The following FAM78B variants were observed in gnomAD, a reference collection of about 807,000 sequenced individuals.
FAM78B encodes the protein family with sequence similarity 78 member B, also known as protein FAM78B.
A neutral mutation model predicts 20.0 loss-of-function variants in FAM78B; 10 were observed. That is an observed-to-expected ratio of 0.50 (90% CI 0.31 to 0.85). The LOEUF (loss-of-function observed/expected upper bound fraction) is 0.85. Ranked by LOEUF, FAM78B falls within the 40% of genes least tolerant of loss-of-function variation. FAM78B has a pLI of 0.05. For synonymous variants in FAM78B, 135 were observed against 132.8 expected (o/e 1.02, Z -0.12); for missense variants, 283 against 345.0 (o/e 0.82, Z 1.42).
chr1:166,148,679 TGA>T (rs916634705), intron 1 of FAM78B, among the ~76,000 whole-genome samples: 1 of 152,088 alleles, frequency 6.6e-6, no homozygotes, highest in African/African-American at 2.4e-5. Flanking sequence ...TCAACGGAAA[TGA>T]GAGAGGAGAC....
intron 1 of FAM78B, among the ~76,000 whole-genome samples, chr1:166,102,696 A>G (rs929255747): frequency 6.6e-6 from 1 of 152,242 alleles, no homozygotes; most frequent in Non-Finnish European, 1.5e-5. Flanking sequence ...AGGAGCACCC[A>G]GATTCATAAA....
chr1:166,166,996 C>G lies in FAM78B; in HGVS notation c.-748G>C, dbSNP rs1181102305. On this transcript the variant is annotated 5_prime_UTR_variant, in exon 1 of 2. Coordinates refer to ENST00000354422, the MANE Select transcript of FAM78B (RefSeq NM_001017961.5). ...TGCTCCGCGGAGGAAACTGGCTGTACGCCATGAGTTTTGTCCCTATTCGGC... is the reference window on the plus strand; with the variant it reads ...TGCTCCGCGGAGGAAACTGGCTGTAGGCCATGAGTTTTGTCCCTATTCGGC... 7.0e-6 allele frequency: 1 copy of G among 143,664 alleles called. No homozygotes were observed. Among genetic ancestry groups the G allele is most frequent in the African/African-American group, 2.7e-5 (1 of 37,598 alleles). 8.9% of individuals were successfully genotyped at this position (143,664 alleles called of 1,614,324 possible).
chr1:166,088,793 A>G (rs1284511884), intron 1 of FAM78B, among the ~76,000 whole-genome samples: 1 of 152,072 alleles, frequency 6.6e-6, no homozygotes, highest in Admixed American at 6.5e-5. Context: ...CACTGGGTGA[A>G]TCTGGGCTTT....
chr1:166,099,348 AAAAC>A lies in FAM78B; in HGVS notation c.264-28589_264-28586del, dbSNP rs367573669. 2.3e-3 allele frequency among the ~76,000 whole-genome samples: 344 copies of A among 152,328 alleles called. 1 individual carries two copies. The highest frequency in any genetic ancestry group is 7.7e-3 in the African/African-American group (321 of 41,564). ...AAACAAAAATACAAGTTAAAAAGCAAAAACAAACAAACAAAAAAACGAAGTACAC... is the reference window on the plus strand; with the variant it reads ...AAACAAAAATACAAGTTAAAAAGCAAAAACAAACAAAAAAACGAAGTACAC... On this transcript the variant is annotated intron_variant, in intron 1 of 1. Transcript: ENST00000354422.
intron 1 of FAM78B, among the ~76,000 whole-genome samples, chr1:166,081,997 C>A (rs554628379): frequency 1.4e-4 from 21 of 152,342 alleles, no homozygotes; most frequent in African/African-American, 5.1e-4. Context: ...CCACCCTTCT[C>A]CAAGCCATTT....
At chr1:166,164,154 AG>A (rs1656265600) in intron 1 of FAM78B, among the ~76,000 whole-genome samples, 1 of 152,248 alleles carries the variant, frequency 6.6e-6, no homozygotes, top group African/African-American at 2.4e-5. Flanking sequence ...AAGAGATTTG[AG>A]GCAACAGAGA....
At chr1:166,158,621 C>T (rs1489868409) in intron 1 of FAM78B, among the ~76,000 whole-genome samples, 1 of 152,250 alleles carries the variant, frequency 6.6e-6, no homozygotes, top group Non-Finnish European at 1.5e-5. Context: ...CTGGACAACT[C>T]TCCTGGCACA....
intron 1 of FAM78B, among the ~76,000 whole-genome samples, chr1:166,084,237 A>ACACACACACTCTCTCT (rs771421402): frequency 5.2e-4 from 65 of 125,466 alleles, no homozygotes; most frequent in South Asian, 3.7e-3. Flanking sequence ...ACACACACAC[A>ACACACACACTCTCTCT]CTCTCTCTCT....
chr1:166,073,258 CTGT>C (rs1360659941), intron 1 of FAM78B, among the ~76,000 whole-genome samples: 1 of 152,204 alleles, frequency 6.6e-6, no homozygotes, highest in Non-Finnish European at 1.5e-5. Context: ...TCCATCCACA[CTGT>C]TGTTACTTCT....
At chr1:166,152,963 C>T (rs762430913) in intron 1 of FAM78B, among the ~76,000 whole-genome samples, 4 of 152,200 alleles carry the variant, frequency 2.6e-5, no homozygotes, top group East Asian at 1.9e-4. Context: ...GGCGTGAGTG[C>T]GCCCAGCTGG....
intron 1 of FAM78B, among the ~76,000 whole-genome samples, chr1:166,141,324 A>G (rs1400292429): frequency 6.6e-6 from 1 of 152,232 alleles, no homozygotes; most frequent in Non-Finnish European, 1.5e-5. Flanking sequence ...ACCACACCAG[A>G]GGTTTGGGGA....
intron 1 of FAM78B, among the ~76,000 whole-genome samples, chr1:166,162,403 C>T (rs920747197): frequency 3.3e-4 from 50 of 152,208 alleles, no homozygotes; most frequent in African/African-American, 1.2e-3. Context: ...TCCATACTAT[C>T]AGCCCAGCCT....
At chr1:166,138,112 C>T (rs758612672) in intron 1 of FAM78B, among the ~76,000 whole-genome samples, 68 of 152,196 alleles carry the variant, frequency 4.5e-4, no homozygotes, top group Non-Finnish European at 8.7e-4. Context: ...TGCACCTAGA[C>T]TCTCACCTTT....
exon 3 of FAM78B, chr1:166,057,864 G>T (rs1219832568): frequency 1.3e-5 from 2 of 152,182 alleles, no homozygotes; most frequent in Non-Finnish European, 2.9e-5. Context: ...ACAGGGTGGG[G>T]TGGGCCAGAT....
chr1:166,077,576 TTA>T (rs933603380), intron 1 of FAM78B, among the ~76,000 whole-genome samples: 16 of 145,224 alleles, frequency 1.1e-4, no homozygotes, highest in Admixed American at 8.5e-4. Flanking sequence ...TATATATAAT[TTA>T]TATATATAAA....
intron 1 of FAM78B, among the ~76,000 whole-genome samples, chr1:166,109,645 C>T (rs1332785586): frequency 2.0e-5 from 3 of 150,842 alleles, no homozygotes; most frequent in Non-Finnish European, 3.0e-5. Context: ...TTTGATCCAC[C>T]AGTCACACTA....
At chr1:166,147,391 G>C (rs1655501073) in intron 1 of FAM78B, among the ~76,000 whole-genome samples, 1 of 152,180 alleles carries the variant, frequency 6.6e-6, no homozygotes, top group South Asian at 2.1e-4. Context: ...AGCCAGCTCA[G>C]GCCAGACCTT....
chr1:166,157,434 C>A (rs1655952480), intron 1 of FAM78B, among the ~76,000 whole-genome samples: 1 of 151,498 alleles, frequency 6.6e-6, no homozygotes, highest in Admixed American at 6.6e-5. Context: ...ATGCAGCTGG[C>A]ACTGGGACCC....
At position 166,096,842 on chromosome 1, in the gene FAM78B, C is replaced by T. The variant is rs561521085; in HGVS notation, c.264-26079G>A. On this transcript the variant is annotated intron_variant, in intron 1 of 1. Transcript: ENST00000354422. ...TGTCTTCAAAAGAAAAAGAATGGGG[C>T]GAGGGGAGAGAGATCGTGGTGGATG... is the stretch of plus-strand genomic sequence containing the variant. 9.2e-5 allele frequency among the ~76,000 whole-genome samples: 14 copies of T among 152,184 alleles called. No homozygotes were observed. The South Asian group carries it at 1.5e-3, about 16-fold the overall frequency.
Sources: allele counts gnomAD v4.1 joint callset (sites outside exome capture counted in the v4.1 genomes callset), GRCh38; gene constraint gnomAD v4.1.1; transcripts MANE v1.5; gene names NCBI Gene and HGNC (gene_info 2026-07-23, HGNC 2026-07-21).